CSMD1: variants seen among roughly 807,000 people sequenced by gnomAD.
The protein encoded by CSMD1 is CUB and Sushi multiple domains 1.
In CSMD1, 213 loss-of-function variants were observed where a neutral mutation model predicts 417.5. The ratio of observed to expected loss-of-function variants is 0.51; its 90% CI spans 0.46 to 0.57. The LOEUF (loss-of-function observed/expected upper bound fraction) is 0.57. CSMD1 is among the 20% of genes least tolerant of loss of function. CSMD1 has a pLI of 0.00. For missense variants in CSMD1, 6,923 were observed against 4,529.7 expected (o/e 1.53, Z -15.17); for synonymous variants, 2,862 against 1,736.8 (o/e 1.65, Z -16.11).
At chr8:4,911,010 A>T (rs984696174) in intron 1 of CSMD1, among the ~76,000 whole-genome samples, 60 of 151,130 alleles carry the variant, frequency 4.0e-4, no homozygotes, top group African/African-American at 1.4e-3. Context: ...CCCTACAAAA[A>T]CTCTCTCTTT....
chr8:3,975,190 G>C (rs1469250968), intron 5 of CSMD1, among the ~76,000 whole-genome samples: 10 of 152,248 alleles, frequency 6.6e-5, no homozygotes, highest in African/African-American at 2.4e-4. Context: ...TCAGCATCCT[G>C]TTACGATGTT....
intron 21 of CSMD1, 34 bp downstream of exon 21, chr8:3,359,117 AT>A: frequency 6.2e-7 from 1 of 1,606,468 alleles, no homozygotes; most frequent in South Asian, 1.1e-5. Flanking sequence ...CCCTGCCCCC[AT>A]GGATGAATGA....
At chr8:4,612,662 T>G (rs1014795733) in intron 2 of CSMD1, among the ~76,000 whole-genome samples, 1 of 152,094 alleles carries the variant, frequency 6.6e-6, no homozygotes, top group African/African-American at 2.4e-5. Flanking sequence ...CTCCATCTAC[T>G]CAACTGCCAC....
chr8:4,358,679 T>C (rs1243722159), intron 3 of CSMD1, among the ~76,000 whole-genome samples: 2 of 152,224 alleles, frequency 1.3e-5, no homozygotes, highest in Non-Finnish European at 2.9e-5. Flanking sequence ...TTTTGCATAC[T>C]TTTTCTAAGA....
intron 3 of CSMD1, among the ~76,000 whole-genome samples, chr8:4,120,592 C>G (rs1433528454): frequency 6.6e-6 from 1 of 152,190 alleles, no homozygotes. Context: ...CCTGTGGCCT[C>G]ACACTTTTGG....
chr8:4,129,334 A>G (rs1802954820), intron 3 of CSMD1, among the ~76,000 whole-genome samples: 1 of 152,062 alleles, frequency 6.6e-6, no homozygotes, highest in Non-Finnish European at 1.5e-5. Flanking sequence ...CTGGGAATTC[A>G]TTTTTTGAAC....
rs182123877 is a variant in CSMD1 at position 4,819,807 on chromosome 8, G to C, written c.85+174525C>G. Among the ~76,000 whole-genome samples, 288 of 152,188 alleles carry C rather than the reference G, an allele frequency of 1.9e-3. 2 individuals are homozygous for C. The highest frequency in any genetic ancestry group is 0.014 in the Middle Eastern group (4 of 294). On this transcript the variant is annotated intron_variant, in intron 1 of 69. Coordinates refer to ENST00000635120, the MANE Select transcript of CSMD1 (RefSeq NM_033225.6). ...GTCAATGCTAAGGGTGGGGCTGTTT[G>C]GGTGTGGAGGTTCCATTCCTCCAAC...
intron 1 of CSMD1, among the ~76,000 whole-genome samples, chr8:4,842,217 T>C (rs564227753): frequency 6.7e-4 from 102 of 152,314 alleles, no homozygotes; most frequent in African/African-American, 2.4e-3. Flanking sequence ...GAATTGAGTG[T>C]GGGAATTAAG....
chr8:3,712,679 C>T (rs568178581), intron 6 of CSMD1, among the ~76,000 whole-genome samples: 64 of 152,254 alleles, frequency 4.2e-4, no homozygotes, highest in African/African-American at 1.5e-3. Context: ...CTTTGTTAGT[C>T]CAGTTATCTA....
At chr8:4,453,984 G>C (rs1044570057) in intron 2 of CSMD1, among the ~76,000 whole-genome samples, 2 of 151,624 alleles carry the variant, frequency 1.3e-5, no homozygotes, top group African/African-American at 2.4e-5. Flanking sequence ...ACCGCGCCCG[G>C]CTAATTTTTT....
At chr8:4,035,871 C>T (rs534309093) in intron 3 of CSMD1, among the ~76,000 whole-genome samples, 7 of 152,224 alleles carry the variant, frequency 4.6e-5, no homozygotes, top group South Asian at 2.1e-4. Flanking sequence ...TACATAGTCC[C>T]GTCCGAAGCC....
rs376252202 is a variant in CSMD1 at position 3,975,278 on chromosome 8, C to T, written c.818+22625G>A. Among the ~76,000 whole-genome samples the T allele has an allele frequency of 1.1e-4, 16 of 152,098 alleles. No homozygotes were observed. In the East Asian group the frequency reaches 1.2e-3, roughly 11 times the overall value. On this transcript the variant is annotated intron_variant, in intron 5 of 69. Coordinates refer to ENST00000635120, the MANE Select transcript of CSMD1 (RefSeq NM_033225.6). The stretch of plus-strand genomic sequence containing the variant: ...TCAGTATGAGAGCTTGGGGTTGTTG[C>T]TATTTTATTTTATACCTTTTTTACA...
At chr8:3,406,668 C>A (rs1477507367) in intron 14 of CSMD1, among the ~76,000 whole-genome samples, 1 of 152,228 alleles carries the variant, frequency 6.6e-6, no homozygotes, top group Non-Finnish European at 1.5e-5. Context: ...AATTTATATC[C>A]TCTAGTTACT....
At chr8:3,082,947 G>A (rs1174746582) in intron 49 of CSMD1, among the ~76,000 whole-genome samples, 1 of 152,144 alleles carries the variant, frequency 6.6e-6, no homozygotes, top group Non-Finnish European at 1.5e-5. Context: ...ATAAAATCAT[G>A]AAAACTTCTG....
intron 2 of CSMD1, among the ~76,000 whole-genome samples, chr8:4,552,667 A>G (rs1017433876): frequency 1.3e-5 from 2 of 152,180 alleles, no homozygotes; most frequent in African/African-American, 4.8e-5. Flanking sequence ...AAGCCTAGCA[A>G]TCGATCTTAA....
chr8:3,708,579 T>C (rs1055809867), intron 6 of CSMD1, 88 bp from the exon 7 acceptor site: 5 of 1,115,618 alleles, frequency 4.5e-6, no homozygotes, highest in Non-Finnish European at 6.8e-6. Context: ...CAGTCATAAC[T>C]GCTTTCTATC....
At chr8:3,123,081 T>C (rs562861327) in intron 41 of CSMD1, among the ~76,000 whole-genome samples, 4 of 152,344 alleles carry the variant, frequency 2.6e-5, no homozygotes, top group African/African-American at 9.6e-5. Flanking sequence ...TTGTTTTTGT[T>C]GTTATCACCT....
intron 5 of CSMD1, among the ~76,000 whole-genome samples, chr8:3,914,950 C>A (rs1808714148): frequency 6.6e-6 from 1 of 152,102 alleles, no homozygotes; most frequent in South Asian, 2.1e-4. Context: ...ACGACAACAA[C>A]AAAACAGTAT....
intron 1 of CSMD1, among the ~76,000 whole-genome samples, chr8:4,836,514 G>A (rs979276710): frequency 6.6e-6 from 1 of 152,144 alleles, no homozygotes; most frequent in African/African-American, 2.4e-5. Context: ...TCATGCATAT[G>A]CTAATTGTAA....
Sources: allele counts gnomAD v4.1 joint callset (sites outside exome capture counted in the v4.1 genomes callset), GRCh38; gene constraint gnomAD v4.1.1; transcripts MANE v1.5; gene names NCBI Gene and HGNC (gene_info 2026-07-23, HGNC 2026-07-21).